Variants in RAB11FIP5 observed in about 807,000 individuals in gnomAD.
RAB11FIP5 encodes rab11 family-interacting protein 5.
Under a neutral mutation model 85.1 loss-of-function variants are expected in RAB11FIP5, and 48 were observed. The ratio of observed to expected loss-of-function variants is 0.56; its 90% CI spans 0.45 to 0.72. The LOEUF is 0.72. Among genes scored for constraint, RAB11FIP5 ranks in the 30% least tolerant of loss-of-function variants. The pLI, the probability that RAB11FIP5 is intolerant of heterozygous loss-of-function variation, is 0.00. For missense variants in RAB11FIP5, 1,491 were observed against 1,687.0 expected, an observed-to-expected ratio of 0.88 and a Z score of 2.04; for synonymous variants, 729 against 727.3, an observed-to-expected ratio of 1.00 and a Z score of -0.04.
At chr2:73,106,489 C>T (rs1416136813) in intron 1 of RAB11FIP5, among the ~76,000 whole-genome samples, 4 of 152,202 alleles carry the variant, frequency 2.6e-5, no homozygotes, top group Non-Finnish European at 5.9e-5. Flanking sequence ...AGGCTTCCCC[C>T]CCTTTGGAAT....
intron 3 of RAB11FIP5, among the ~76,000 whole-genome samples, chr2:73,082,829 G>C (rs1162704372): frequency 6.6e-6 from 1 of 152,190 alleles, no homozygotes; most frequent in Non-Finnish European, 1.5e-5. Context: ...TGCGGGCAGG[G>C]GCGTGCTCTC....
At chr2:73,088,854 G>GGGC in intron 2 of RAB11FIP5, 25 bp downstream of exon 2, 1 of 1,544,814 alleles carries the variant, frequency 6.5e-7, no homozygotes, top group Non-Finnish European at 8.7e-7. Context: ...CCCCTCCCCA[G>GGGC]GGCGGCGGCC....
chr2:73,083,177 T>C (rs1574294863), intron 3 of RAB11FIP5, among the ~76,000 whole-genome samples: 1 of 151,906 alleles, frequency 6.6e-6, no homozygotes, highest in Non-Finnish European at 1.5e-5. Flanking sequence ...TGGCTTGGGG[T>C]AGGAAGGGCA....
rs777754399 is a variant in RAB11FIP5, at chr2:73,080,889, C to T, written c.2343G>A (p.Pro781=). ...TAAATAGAGATGTCCCACTGTCTGC[C>T]GGACTCTGCCCTGCTTCCACTTCCG... is the stretch of plus-strand genomic sequence containing the variant. ...PAPEVEAGQS[P]ADSGTSLFSS... is the part of the protein sequence containing the mutation. Residue 781 remains proline (P), a synonymous_variant, in exon 4 of 6, where the codon CCG becomes CCA. Coordinates refer to ENST00000486777, the MANE Select transcript of RAB11FIP5 (RefSeq NM_001371272.1). 2.8e-5 allele frequency: 35 copies of T among 1,232,416 alleles called. No homozygotes were observed. Among genetic ancestry groups the T allele is most frequent in the Admixed American group, 8.4e-5 (2 of 23,708 alleles). The allele number at this position is 1,232,416 out of a possible 1,614,324, so 76.3% of individuals were successfully genotyped here.
In RAB11FIP5 at chr2:73,080,744, C is replaced by T; in HGVS notation, c.2488G>A (p.Asp830Asn). The T allele has an allele frequency of 2.4e-6, 3 of 1,232,600 alleles. No homozygotes were observed. The highest frequency in any genetic ancestry group is 3.0e-6 in the Non-Finnish European group (3 of 988,104). 76.4% of individuals were successfully genotyped at this position (1,232,600 alleles called of 1,614,324 possible). ...NQLCPDVETA[D>N]DAWPWDVVTI... ...ACCACATCCCAAGGCCAGGCATCAT[C>T]AGCTGTCTCGACGTCAGGGCAAAGC... Residue 830 changes from aspartate to asparagine, a missense_variant, in exon 4 of 6, where the codon GAT becomes AAT. Physicochemically the swap from Asp to Asn is conservative, Grantham distance 23 (BLOSUM62 1). Coordinates refer to ENST00000486777, the MANE Select transcript of RAB11FIP5 (RefSeq NM_001371272.1).
At chr2:73,112,002 G>A (rs1031664114) in intron 1 of RAB11FIP5, among the ~76,000 whole-genome samples, 6 of 152,158 alleles carry the variant, frequency 3.9e-5, no homozygotes, top group African/African-American at 1.4e-4. Context: ...CAGGCCCGGA[G>A]GTTCTAAGAA....
chr2:73,091,722 C>T (rs2106113739), intron 1 of RAB11FIP5, among the ~76,000 whole-genome samples: 1 of 152,204 alleles, frequency 6.6e-6, no homozygotes, highest in East Asian at 1.9e-4. Flanking sequence ...CCTGGGGCAC[C>T]TCTGACTCTT....
At position 73,080,778 on chromosome 2, in the gene RAB11FIP5, G is replaced by T; in HGVS notation, c.2454C>A (p.Gly818=). Residue 818 remains glycine (G), a synonymous_variant, in exon 4 of 6, where the codon GGC becomes GGA. Transcript: ENST00000486777. ...CGACGTCAGGGCAAAGCTGATTTTC[G>T]CCTCGGGAGGACTCATCGTCCTGGC... is the stretch of plus-strand genomic sequence containing the variant. The part of the protein sequence containing the change: ...AEGQDDESSR[G]ENQLCPDVET... 4 of 1,232,408 alleles carry T rather than the reference G, an allele frequency of 3.2e-6. No individual in the cohort carries two copies. Among genetic ancestry groups the T allele is most frequent in the Non-Finnish European group, 3.0e-6 (3 of 988,106 alleles). The allele number at this position is 1,232,408 out of a possible 1,614,324, so 76.3% of individuals were successfully genotyped here. A position where few individuals can be genotyped will look rare whatever the true frequency, so the allele number is the denominator to read the frequency against.
chr2:73,076,315 G>A, intron 4 of RAB11FIP5, 133 bp from the exon 5 acceptor site: 1 of 886,710 alleles, frequency 1.1e-6, no homozygotes, highest in East Asian at 2.5e-5. Context: ...TGCCCCTACA[G>A]AGTCAAGGTT....
chr2:73,096,407 GA>G (rs1684320746), intron 1 of RAB11FIP5, among the ~76,000 whole-genome samples: 1 of 152,198 alleles, frequency 6.6e-6, no homozygotes, highest in African/African-American at 2.4e-5. Context: ...GTCAGAGACA[GA>G]CAGGGGTGTG....
chr2:73,077,099 C>T (rs1211435495), intron 4 of RAB11FIP5, among the ~76,000 whole-genome samples: 1 of 152,156 alleles, frequency 6.6e-6, no homozygotes, highest in Non-Finnish European at 1.5e-5. Flanking sequence ...CTGCATCCTA[C>T]CACTCTCCTA....
At chr2:73,083,492 TCA>T (rs1271505820) in intron 3 of RAB11FIP5, among the ~76,000 whole-genome samples, 1 of 152,126 alleles carries the variant, frequency 6.6e-6, no homozygotes, top group Non-Finnish European at 1.5e-5. Flanking sequence ...AGGTAAATTC[TCA>T]GTCTCATCCC....
intron 1 of RAB11FIP5, among the ~76,000 whole-genome samples, chr2:73,111,567 T>C (rs565090402): frequency 2.0e-5 from 3 of 152,214 alleles, no homozygotes; most frequent in African/African-American, 7.2e-5. Flanking sequence ...CCAAAATAAA[T>C]GATTTAAAAA....
In RAB11FIP5 at chr2:73,086,507, G is replaced by C. The variant is rs1684092048; in HGVS notation, c.1568+1543C>G. On this transcript the variant is annotated intron_variant, in intron 3 of 5. Coordinates refer to ENST00000486777, the MANE Select transcript of RAB11FIP5 (RefSeq NM_001371272.1). This position sits in a 1 kb window ranked among gnomAD's most constrained non-coding sequence, Gnocchi z 4.4. Reference sequence around the variant, plus strand: ...CAGGACTCACCTACAAATGGCCCCAGCATTCACCTTGCCCCAGAAAAGGCC... The same window carrying C: ...CAGGACTCACCTACAAATGGCCCCACCATTCACCTTGCCCCAGAAAAGGCC... Among the ~76,000 whole-genome samples the C allele has an allele frequency of 6.6e-6, 1 of 152,148 alleles. No homozygotes were observed. The highest frequency in any genetic ancestry group is 1.5e-5 in the Non-Finnish European group (1 of 68,020).
Position 73,081,465 on chromosome 2 carries a change from T to G in RAB11FIP5, c.1767A>C (p.Pro589=). ...GGTTGGTAAGACCCAATAATCCAGG[T>G]GGGGTGGCTTCAGGGGCGGCGGTGG... ...AATTAAPEAT[P]PGLLGLTNPF... The change falls in exon 4 of 6, where the codon CCA becomes CCC. Residue 589 remains proline (P), a synonymous_variant. Coordinates refer to ENST00000486777, the MANE Select transcript of RAB11FIP5 (RefSeq NM_001371272.1). This position sits in a 1 kb window ranked among gnomAD's most constrained non-coding sequence, Gnocchi z 4.2. 1 of 1,233,546 alleles carries G rather than the reference T, an allele frequency of 8.1e-7. No homozygotes were observed. The allele number at this position is 1,233,546 out of a possible 1,614,324, so 76.4% of individuals were successfully genotyped here.
intron 1 of RAB11FIP5, among the ~76,000 whole-genome samples, chr2:73,109,993 C>T (rs1274379007): frequency 1.3e-5 from 2 of 152,182 alleles, no homozygotes; most frequent in Non-Finnish European, 2.9e-5. Flanking sequence ...ATTTTACAGA[C>T]GTGAAAACTG....
chr2:73,106,266 T>C (rs1297776607), intron 1 of RAB11FIP5, among the ~76,000 whole-genome samples: 2 of 152,162 alleles, frequency 1.3e-5, no homozygotes, highest in African/African-American at 4.8e-5. Flanking sequence ...AGGTGCCACA[T>C]GCTCCAGATG....
In RAB11FIP5 at chr2:73,088,190, C is replaced by A. The variant is rs1048086493; in HGVS notation, c.1428G>T (p.Glu476Asp). The A allele has an allele frequency of 5.6e-6, 9 of 1,613,924 alleles. No individual in the cohort carries two copies. The highest frequency in any genetic ancestry group is 5.9e-6 in the Non-Finnish European group (7 of 1,180,046). Residue 476 changes from glutamate to aspartate, a missense_variant, in exon 3 of 6, where the codon GAG (glutamate) becomes GAT (aspartate). This residue lies in a region of RAB11FIP5 where 1,211 missense variants were observed against 1,338.0 expected (regional missense o/e 0.91). Transcript: ENST00000486777. Reference sequence around the variant, plus strand: ...CCCCCAGAGAGCTTCGGCGACCCAACTCGCTCCGACTTAGGCCTTGGTGGT... The same window carrying A: ...CCCCCAGAGAGCTTCGGCGACCCAAATCGCTCCGACTTAGGCCTTGGTGGT... ...HHHHQGLSRS[E>D]LGRRSSLGEK... is the part of the protein sequence containing the mutation.
At chr2:73,098,469 A>C (rs1014379345) in intron 1 of RAB11FIP5, among the ~76,000 whole-genome samples, 1 of 152,264 alleles carries the variant, frequency 6.6e-6, no homozygotes, top group African/African-American at 2.4e-5. Flanking sequence ...AGGGCCCGGC[A>C]CACGGGAAAC....
Sources: gnomAD v4.1 joint callset for allele counts (sites outside exome capture counted in the v4.1 genomes callset) on GRCh38, gnomAD v4.1.1 for gene constraint, gnomAD v4.1.1 regional missense constraint, Gnocchi (gnomAD v3.1) non-coding constraint, MANE v1.5 for transcripts, NCBI Gene and HGNC (gene_info 2026-07-23, HGNC 2026-07-21) for gene names.